The following INPP4B variants were observed in gnomAD, a reference collection of about 807,000 sequenced individuals.
INPP4B encodes inositol polyphosphate 4-phosphatase type II.
In INPP4B, 55 loss-of-function variants were observed where a neutral mutation model predicts 122.5. That is an observed-to-expected ratio of 0.45 (90% CI 0.36 to 0.56). The LOEUF (loss-of-function observed/expected upper bound fraction) is 0.56. Among genes scored for constraint, INPP4B ranks in the 20% least tolerant of loss-of-function variants. The pLI, the probability that INPP4B is intolerant of heterozygous loss-of-function variation, is 0.00. For missense variants in INPP4B, 1,000 were observed against 1,097.7 expected (o/e 0.91, Z 1.26); for synonymous variants, 403 against 388.7 (o/e 1.04, Z -0.43).
chr4:142,346,866 C>A (rs1248492678), intron 7 of INPP4B, among the ~76,000 whole-genome samples: 2 of 151,990 alleles, frequency 1.3e-5, no homozygotes, highest in African/African-American at 4.8e-5. Flanking sequence ...TCCGTGATGA[C>A]ACAGGAGTTA....
chr4:142,505,294 T>C (rs1217146932), intron 2 of INPP4B, among the ~76,000 whole-genome samples: 1 of 151,710 alleles, frequency 6.6e-6, no homozygotes, highest in Non-Finnish European at 1.5e-5. Flanking sequence ...TGTGTGAATA[T>C]AATTACATAT....
chr4:142,284,433 C>T (rs1016667413), intron 9 of INPP4B, among the ~76,000 whole-genome samples: 1 of 151,964 alleles, frequency 6.6e-6, no homozygotes, highest in African/African-American at 2.4e-5. Context: ...TGTATAATAA[C>T]AGGAAGAAAG....
At chr4:142,520,661 T>A (rs1825964416) in intron 2 of INPP4B, among the ~76,000 whole-genome samples, 1 of 151,956 alleles carries the variant, frequency 6.6e-6, no homozygotes. Context: ...GGACTTACAC[T>A]TAATATAGTT....
intron 2 of INPP4B, among the ~76,000 whole-genome samples, chr4:142,628,908 T>C (rs568303675): frequency 6.6e-5 from 10 of 152,216 alleles, no homozygotes; most frequent in African/African-American, 2.2e-4. Context: ...ATTTATTTCC[T>C]AAGAAATAAT....
chr4:142,707,079 A>G (rs1396716992), intron 2 of INPP4B, among the ~76,000 whole-genome samples: 8 of 152,144 alleles, frequency 5.3e-5, no homozygotes, highest in African/African-American at 1.7e-4. Flanking sequence ...AAGTCCACCA[A>G]TCCCTGCACT....
At chr4:142,045,911 T>A (rs1271755274) in intron 25 of INPP4B, among the ~76,000 whole-genome samples, 1 of 152,016 alleles carries the variant, frequency 6.6e-6, no homozygotes, top group Admixed American at 6.6e-5. Flanking sequence ...TTATTTTAGG[T>A]AATAAGCCCT....
At chr4:142,523,779 G>T (rs1399475604) in intron 2 of INPP4B, among the ~76,000 whole-genome samples, 3 of 147,194 alleles carry the variant, frequency 2.0e-5, no homozygotes, top group African/African-American at 7.5e-5. Context: ...CTAGCATTAG[G>T]TATATCTCCC....
chr4:142,118,590 T>C (rs945760242), intron 21 of INPP4B, among the ~76,000 whole-genome samples: 12 of 152,130 alleles, frequency 7.9e-5, no homozygotes, highest in Non-Finnish European at 1.3e-4. Flanking sequence ...TGGCTAGCCA[T>C]ATGTAGAAAG....
intron 7 of INPP4B, among the ~76,000 whole-genome samples, chr4:142,382,247 G>T (rs1009176840): frequency 6.6e-6 from 1 of 151,834 alleles, no homozygotes; most frequent in African/African-American, 2.4e-5. Context: ...AGTGGTTTAC[G>T]CCTGTAATCC....
chr4:142,507,890 T>G (rs1824220372), intron 2 of INPP4B, among the ~76,000 whole-genome samples: 1 of 152,144 alleles, frequency 6.6e-6, no homozygotes, highest in African/African-American at 2.4e-5. Context: ...TCATTCTAAT[T>G]ATGTAAGTAT....
At chr4:142,116,454 C>A (rs1050208252) in intron 21 of INPP4B, among the ~76,000 whole-genome samples, 1 of 152,130 alleles carries the variant, frequency 6.6e-6, no homozygotes, top group Non-Finnish European at 1.5e-5. Flanking sequence ...GAAATTATAA[C>A]AAACTGTCTC....
intron 23 of INPP4B, among the ~76,000 whole-genome samples, chr4:142,088,425 A>G (rs1484386770): frequency 6.6e-6 from 1 of 152,240 alleles, no homozygotes; most frequent in Non-Finnish European, 1.5e-5. Context: ...TATCGGTGAC[A>G]TAGAAAGTGT....
At position 142,306,545 on chromosome 4, in the gene INPP4B, T is replaced by A. The variant is rs1175907349; in HGVS notation, c.424-1008A>T. On this transcript the variant is annotated intron_variant, in intron 8 of 25. Transcript: ENST00000262992. ...GACAAAGAATTTGAGGGTAATGGCA[T>A]CTTTTTCGAGGTAAATAGGAAATTA... is the stretch of plus-strand genomic sequence containing the variant. Among the ~76,000 whole-genome samples, 3 of 152,328 alleles carry A rather than the reference T, an allele frequency of 2.0e-5. No homozygotes were observed. In the East Asian group the frequency reaches 5.8e-4, roughly 29 times the overall value.
chr4:142,089,102 C>T (rs1461906872), intron 23 of INPP4B, among the ~76,000 whole-genome samples: 1 of 152,080 alleles, frequency 6.6e-6, no homozygotes, highest in Non-Finnish European at 1.5e-5. Flanking sequence ...TTCAGAATGT[C>T]CTTGGAGTGG....
At chr4:142,117,608 A>G (rs1794289234) in intron 21 of INPP4B, among the ~76,000 whole-genome samples, 4 of 152,208 alleles carry the variant, frequency 2.6e-5, no homozygotes, top group Admixed American at 2.6e-4. Context: ...GACAAAATTC[A>G]ACAGCCTTTC....
intron 7 of INPP4B, among the ~76,000 whole-genome samples, chr4:142,332,649 C>T (rs769482330): frequency 1.3e-4 from 19 of 151,940 alleles, no homozygotes; most frequent in Non-Finnish European, 2.5e-4. Flanking sequence ...AATGACTGGT[C>T]CCAAGTCTCA....
intron 16 of INPP4B, 29 bp from the exon 17 acceptor site, chr4:142,160,590 C>T (rs1427811926): frequency 6.5e-7 from 1 of 1,541,728 alleles, no homozygotes; most frequent in Admixed American, 1.7e-5. Context: ...GGATTAGAAA[C>T]ACCTTGGTAG....
At chr4:142,250,672 T>A (rs1365067049) in intron 11 of INPP4B, among the ~76,000 whole-genome samples, 1 of 152,172 alleles carries the variant, frequency 6.6e-6, no homozygotes, top group Non-Finnish European at 1.5e-5. Flanking sequence ...TTTTATAAAG[T>A]TTTAAAAAAT....
chr4:142,357,008 C>T (rs1354044151), intron 7 of INPP4B, among the ~76,000 whole-genome samples: 2 of 152,020 alleles, frequency 1.3e-5, no homozygotes, highest in East Asian at 1.9e-4. Context: ...GGGGCACACC[C>T]CAACTTTACA....
Sources: allele counts gnomAD v4.1 joint callset (sites outside exome capture counted in the v4.1 genomes callset), GRCh38; gene constraint gnomAD v4.1.1; transcripts MANE v1.5; gene names NCBI Gene and HGNC (gene_info 2026-07-23, HGNC 2026-07-21).